The following CD200R1 variants were observed in gnomAD, a reference collection of about 807,000 sequenced individuals.
CD200R1 encodes CD200 receptor 1, also known as cell surface glycoprotein CD200 receptor 1.
A neutral mutation model predicts 38.1 loss-of-function variants in CD200R1; 30 were observed. That is an observed-to-expected ratio of 0.79 (90% CI 0.59 to 1.07). The LOEUF (loss-of-function observed/expected upper bound fraction) is 1.07, where lower values mean the gene tolerates loss of function less well. CD200R1 is among the 50% of genes least tolerant of loss of function. The pLI is 0.00. For synonymous variants in CD200R1, 128 were observed against 152.1 expected, an observed-to-expected ratio of 0.84 and a Z score of 1.16; for missense variants, 372 against 415.4, an observed-to-expected ratio of 0.90 and a Z score of 0.91.
chr3:112,953,114 T>TGCAC (rs1375382699), intron 1 of CD200R1, among the ~76,000 whole-genome samples: 3 of 152,228 alleles, frequency 2.0e-5, no homozygotes, highest in Non-Finnish European at 4.4e-5. Flanking sequence ...TAATCATTAT[T>TGCAC]GCACTGAAGT....
At chr3:112,953,872 T>C (rs752077694) in intron 1 of CD200R1, among the ~76,000 whole-genome samples, 1 of 152,156 alleles carries the variant, frequency 6.6e-6, no homozygotes, top group East Asian at 1.9e-4. Flanking sequence ...TTGTTGATTT[T>C]ATTTATCTTT....
At position 112,923,310 on chromosome 3, in the gene CD200R1, T is replaced by C. The variant is rs1222399221; in HGVS notation, c.*367A>G. On this transcript the variant is annotated 3_prime_UTR_variant, in exon 8 of 8. Coordinates refer to ENST00000308611, the MANE Select transcript of CD200R1 (RefSeq NM_138806.4). The stretch of plus-strand genomic sequence containing the variant: ...CACATATACCATAGGCATATACACA[T>C]GTCATATGTACATTAAAATATTCTG... 1.2e-5 allele frequency: 2 copies of C among 170,088 alleles called. No homozygotes were observed. The highest frequency in any genetic ancestry group is 2.5e-5 in the Non-Finnish European group (2 of 79,920). The allele number at this position is 170,088 out of a possible 1,614,324, so 10.5% of individuals were successfully genotyped here.
At chr3:112,932,737 G>A (rs568691470) in intron 2 of CD200R1, among the ~76,000 whole-genome samples, 6 of 152,074 alleles carry the variant, frequency 3.9e-5, no homozygotes, top group Non-Finnish European at 4.4e-5. Context: ...CCCACAACTG[G>A]GGCCTGAGAA....
In CD200R1 at chr3:112,967,681, C is replaced by T. The variant is rs140763487; in HGVS notation, c.67+7110G>A. On this transcript the variant is annotated intron_variant, in intron 1 of 7. Transcript: ENST00000308611. The stretch of plus-strand genomic sequence containing the variant: ...TAACCCACCCACATTTTTGCTTTGA[C>T]TTATTTTTCCTAAGCAAGAATCTCA... Among the ~76,000 whole-genome samples, 1,346 of 152,290 alleles carry T rather than the reference C, an allele frequency of 8.8e-3. 12 individuals are homozygous for T. Among genetic ancestry groups the T allele is most frequent in the Non-Finnish European group, 0.013 (895 of 68,008 alleles).
chr3:112,924,986 G>A (rs1189871082), intron 6 of CD200R1, 99 bp downstream of exon 6: 7 of 722,504 alleles, frequency 9.7e-6, no homozygotes, highest in South Asian at 1.7e-5. Context: ...GAGATTTGAT[G>A]TTAACATCCT....
intron 1 of CD200R1, among the ~76,000 whole-genome samples, chr3:112,967,212 C>T (rs1472280417): frequency 1.3e-5 from 2 of 152,100 alleles, no homozygotes; most frequent in African/African-American, 4.8e-5. Context: ...TTTACACTTT[C>T]TCTCCTCTTG....
At position 112,937,579 on chromosome 3, in the gene CD200R1, T is replaced by C. The variant is rs778166917; in HGVS notation, c.137-6408A>G. 5.9e-5 allele frequency among the ~76,000 whole-genome samples: 9 copies of C among 152,202 alleles called. 1 individual carries two copies. Among genetic ancestry groups the C allele is most frequent in the Non-Finnish European group, 1.3e-4 (9 of 68,038 alleles). On this transcript the variant is annotated intron_variant, in intron 2 of 7. Transcript: ENST00000308611. ...CTGTTCTCGTACAACTACCATGCTG[T>C]TTTGATTACTGTAGCCCTATAGTAT...
chr3:112,949,610 A>T (rs1278968712), intron 1 of CD200R1, among the ~76,000 whole-genome samples: 1 of 152,242 alleles, frequency 6.6e-6, no homozygotes, highest in Non-Finnish European at 1.5e-5. Context: ...TATGAATCTT[A>T]GTGCAAGTAA....
At chr3:112,969,742 G>A (rs1933255521) in intron 1 of CD200R1, among the ~76,000 whole-genome samples, 1 of 152,190 alleles carries the variant, frequency 6.6e-6, no homozygotes, top group South Asian at 2.1e-4. Flanking sequence ...GGTTGAGATT[G>A]CAGGTAGACT....
At position 112,925,086 on chromosome 3, in the gene CD200R1, T is replaced by A. The variant is rs771907964; in HGVS notation, c.877A>T (p.Arg293Ter). Reference sequence around the variant, plus strand: ...AAAAAAACATTCATTAGTCAATACCTGCAGCCATTGACTTTCAACAACCAA... The same window carrying A: ...AAAAAAACATTCATTAGTCAATACCAGCAGCCATTGACTTTCAACAACCAA... Reference protein sequence around the residue: ...FIWLLKVNGCRKYKLNKTEST... With the variant: ...FIWLLKVNGC Residue 293 changes from arginine (R) to a stop codon, truncating the protein, a stop_gained and splice_region_variant, in exon 6 of 8, where the codon AGA becomes TGA. Coordinates refer to ENST00000308611, the MANE Select transcript of CD200R1 (RefSeq NM_138806.4). LOFTEE classifies it low-confidence loss of function (END_TRUNC). The A allele has an allele frequency of 6.5e-7, 1 of 1,545,752 alleles. No individual in the cohort carries two copies. Among genetic ancestry groups the A allele is most frequent in the East Asian group, 2.3e-5 (1 of 44,276 alleles).
chr3:112,948,445 C>G (rs571297687), intron 1 of CD200R1, among the ~76,000 whole-genome samples: 2 of 152,120 alleles, frequency 1.3e-5, no homozygotes, highest in African/African-American at 4.8e-5. Context: ...GAAGGGAGCA[C>G]GATAGTTCTC....
intron 1 of CD200R1, among the ~76,000 whole-genome samples, chr3:112,957,447 CA>C (rs59411291): frequency 6.6e-6 from 1 of 151,428 alleles, no homozygotes; most frequent in South Asian, 2.1e-4. Context: ...TATACATATG[CA>C]AAAAAAATGA....
At chr3:112,929,153 G>A (rs1433594880) in intron 4 of CD200R1, 37 bp downstream of exon 4, 2 of 1,612,882 alleles carry the variant, frequency 1.2e-6, no homozygotes, top group Non-Finnish European at 1.7e-6. Context: ...TCACAAATCT[G>A]GTGATGTGAA....
intron 1 of CD200R1, among the ~76,000 whole-genome samples, chr3:112,974,179 T>C (rs1576159597): frequency 1.3e-5 from 2 of 152,154 alleles, no homozygotes; most frequent in East Asian, 1.9e-4. Flanking sequence ...CTCATGCCTG[T>C]AATCCCAATG....
At chr3:112,956,997 T>A (rs926641776) in intron 1 of CD200R1, among the ~76,000 whole-genome samples, 3 of 152,110 alleles carry the variant, frequency 2.0e-5, no homozygotes, top group African/African-American at 4.8e-5. Flanking sequence ...CAGCCTGCAG[T>A]CAGGGGTCAT....
At chr3:112,923,866 A>G (rs1940224418) in intron 7 of CD200R1, 67 bp from the exon 8 acceptor site, 3 of 990,374 alleles carry the variant, frequency 3.0e-6, no homozygotes, top group Admixed American at 2.3e-5. Flanking sequence ...TATTTTTGTA[A>G]CAGTTGCCCA....
At chr3:112,959,002 G>A (rs764062736) in intron 1 of CD200R1, among the ~76,000 whole-genome samples, 1 of 151,924 alleles carries the variant, frequency 6.6e-6, no homozygotes, top group Admixed American at 6.6e-5. Flanking sequence ...AAAAAAAAAG[G>A]CTCTCAGAAA....
Position 112,924,546 on chromosome 3 carries a change from A to G in CD200R1, c.879-11T>C. On this transcript the variant is annotated splice_polypyrimidine_tract_variant and intron_variant, in intron 6 of 7. Transcript: ENST00000308611. ...TTCAATTTATATTTTCTATAAAAAT[A>G]AAATAAATTGAAGTGAATGGAGGAA... is the stretch of plus-strand genomic sequence containing the variant. 8.3e-7 allele frequency: 1 copy of G among 1,206,472 alleles called. No homozygotes were observed. 74.7% of individuals were successfully genotyped at this position (1,206,472 alleles called of 1,614,324 possible).
In CD200R1 at chr3:112,966,211, A is replaced by G. The variant is rs531742311; in HGVS notation, c.67+8580T>C. 4.6e-5 allele frequency among the ~76,000 whole-genome samples: 7 copies of G among 152,290 alleles called. 1 individual carries two copies. In the East Asian group the frequency reaches 1.4e-3, roughly 29 times the overall value. On this transcript the variant is annotated intron_variant, in intron 1 of 7. Coordinates refer to ENST00000308611, the MANE Select transcript of CD200R1 (RefSeq NM_138806.4). ...TGGGGTGATGAGGAAACTAGGAAAG[A>G]CCTAGAGCAGTGTTCTGAACCCTGG...
Sources: gnomAD v4.1 joint callset for allele counts (sites outside exome capture counted in the v4.1 genomes callset) on GRCh38, gnomAD v4.1.1 for gene constraint, MANE v1.5 for transcripts, NCBI Gene and HGNC (gene_info 2026-07-23, HGNC 2026-07-21) for gene names.